The following DOCK10 variants were observed in gnomAD, a reference collection of about 807,000 sequenced individuals.
DOCK10 encodes dedicator of cytokinesis 10.
In DOCK10, 145 loss-of-function variants were observed where a neutral mutation model predicts 280.1. The observed-to-expected ratio is 0.52, with a 90% CI of 0.45 to 0.59. DOCK10 has a LOEUF of 0.59. Among genes scored for constraint, DOCK10 ranks in the 20% least tolerant of loss-of-function variants. DOCK10 has a pLI of 0.00. For synonymous variants in DOCK10, 915 were observed against 942.2 expected (o/e 0.97, Z 0.53); for missense variants, 2,368 against 2,651.7 (o/e 0.89, Z 2.35).
intron 24 of DOCK10, among the ~76,000 whole-genome samples, chr2:224,838,044 C>T (rs1204401065): frequency 6.6e-6 from 1 of 152,160 alleles, no homozygotes; most frequent in Non-Finnish European, 1.5e-5. Flanking sequence ...CATCGATTAG[C>T]CATTTCCAAC....
rs2125466299 is a variant in DOCK10 at position 224,841,736 on chromosome 2, A to G, written c.2661+68T>C. 3 of 1,070,786 alleles carry G rather than the reference A, an allele frequency of 2.8e-6. No individual in the cohort carries two copies. In the South Asian group the frequency reaches 4.2e-5, roughly 15 times the overall value. 66.3% of individuals were successfully genotyped at this position (1,070,786 alleles called of 1,614,324 possible). A position where few individuals can be genotyped will look rare whatever the true frequency, so the allele number is the denominator to read the frequency against. ...ATCTCCCAGTTTGCCCATCGGTGGA[A>G]AATGTAAAAGTCTCTTTTGCACATT... On this transcript the variant is annotated intron_variant, in intron 23 of 55. Transcript: ENST00000258390.
Position 224,973,533 on chromosome 2 carries a change from A to C in DOCK10, c.124-41865T>G, listed in dbSNP as rs115165914. Among the ~76,000 whole-genome samples the C allele has an allele frequency of 4.6e-3, 700 of 152,256 alleles. 9 individuals carry two copies. Among genetic ancestry groups the C allele is most frequent in the African/African-American group, 0.016 (666 of 41,536 alleles). ...AATGTGGGCAGCCTCTAGAACTTGG[A>C]AAAGGCAAGGAAACAGATTCTCCCC... On this transcript the variant is annotated intron_variant, in intron 1 of 55. Coordinates refer to ENST00000258390, the MANE Select transcript of DOCK10 (RefSeq NM_014689.3).
intron 7 of DOCK10, among the ~76,000 whole-genome samples, chr2:224,877,502 C>CTATTGGAATAGGTTCCTATTCTATTGG (rs1169851185): frequency 1.3e-5 from 2 of 150,300 alleles, no homozygotes; most frequent in Non-Finnish European, 1.5e-5. Context: ...GGTTCCTATT[C>CTATTGGAATAGGTTCCTATTCTATTGG]CAAGTTGACA....
At chr2:224,792,881 A>T in intron 47 of DOCK10, 93 bp downstream of exon 47, 1 of 962,098 alleles carries the variant, frequency 1.0e-6, no homozygotes, top group South Asian at 1.8e-5. Flanking sequence ...TTTTGCTTCT[A>T]AGAATATATT....
intron 1 of DOCK10, among the ~76,000 whole-genome samples, chr2:224,993,840 G>C (rs1007729695): frequency 3.9e-5 from 6 of 152,020 alleles, no homozygotes; most frequent in African/African-American, 1.4e-4. Context: ...TGCTGGTAGT[G>C]TTTCTACCTT....
chr2:224,886,243 ACTGCATTT>A, intron 5 of DOCK10, 58 bp from the exon 6 acceptor site: 1 of 1,597,780 alleles, frequency 6.3e-7, no homozygotes. Flanking sequence ...GATCCTAGAC[ACTGCATTT>A]AAAAAAGAGA....
intron 31 of DOCK10, among the ~76,000 whole-genome samples, chr2:224,809,214 T>C (rs1210142752): frequency 1.3e-5 from 2 of 152,182 alleles, no homozygotes; most frequent in South Asian, 2.1e-4. Flanking sequence ...GTTTTTAAAA[T>C]GTAACCATTA....
rs538387203 is a variant in DOCK10 at position 225,023,338 on chromosome 2, A to C, written c.123+18914T>G. The stretch of plus-strand genomic sequence containing the variant: ...GGTGTGAGCCACTGCGCCCAGCCCA[A>C]AACAACTTCTAATAACTCTCTCATT... On this transcript the variant is annotated intron_variant, in intron 1 of 55. Transcript: ENST00000258390. Among the ~76,000 whole-genome samples, 558 of 152,210 alleles carry C rather than the reference A, an allele frequency of 3.7e-3. 6 individuals are homozygous for C. Among genetic ancestry groups the C allele is most frequent in the African/African-American group, 0.013 (527 of 41,550 alleles).
rs552327025 is a variant in DOCK10 at position 225,011,783 on chromosome 2, C to T, written c.123+30469G>A. Among the ~76,000 whole-genome samples, 83 of 152,198 alleles carry T rather than the reference C, an allele frequency of 5.5e-4. 1 individual carries two copies. Among genetic ancestry groups the T allele is most frequent in the African/African-American group, 1.9e-3 (80 of 41,524 alleles). On this transcript the variant is annotated intron_variant, in intron 1 of 55. Coordinates refer to ENST00000258390, the MANE Select transcript of DOCK10 (RefSeq NM_014689.3). ...TTGCCACAGGCATTATAAAATGGCA[C>T]CCAAAATGTTAGGCTCTGCAAGAAC...
At chr2:224,978,582 T>C (rs548176264) in intron 1 of DOCK10, among the ~76,000 whole-genome samples, 2 of 152,292 alleles carry the variant, frequency 1.3e-5, no homozygotes, top group Admixed American at 6.5e-5. Context: ...AAATAAACAA[T>C]TATACATTCA....
chr2:224,904,400 T>C (rs138267048), intron 3 of DOCK10, among the ~76,000 whole-genome samples: 3 of 152,328 alleles, frequency 2.0e-5, no homozygotes, highest in East Asian at 3.9e-4. Context: ...ATGAATTTTA[T>C]TAAGAAAGAA....
intron 3 of DOCK10, among the ~76,000 whole-genome samples, chr2:224,899,178 C>G (rs1045535850): frequency 6.6e-6 from 1 of 152,132 alleles, no homozygotes; most frequent in Non-Finnish European, 1.5e-5. Flanking sequence ...TGTAGTTCCC[C>G]CTAAGTATTT....
chr2:224,902,570 G>A (rs1178097772), intron 3 of DOCK10, among the ~76,000 whole-genome samples: 1 of 152,118 alleles, frequency 6.6e-6, no homozygotes, highest in Non-Finnish European at 1.5e-5. Context: ...TTCACACTGA[G>A]ACATTTCAGA....
At chr2:224,790,111 A>C (rs1692062852) in intron 47 of DOCK10, among the ~76,000 whole-genome samples, 1 of 152,180 alleles carries the variant, frequency 6.6e-6, no homozygotes, top group Admixed American at 6.5e-5. Flanking sequence ...CTTTTACATT[A>C]TGTAGAAACC....
At chr2:224,824,794 A>G (rs1443601835) in intron 27 of DOCK10, among the ~76,000 whole-genome samples, 1 of 151,900 alleles carries the variant, frequency 6.6e-6, no homozygotes, top group Non-Finnish European at 1.5e-5. Context: ...ACCCAGACAC[A>G]TTTTCACTAT....
At chr2:224,981,518 T>C (rs17271615) in intron 1 of DOCK10, among the ~76,000 whole-genome samples, 7,052 of 152,274 alleles carry the variant, frequency 0.046, 233 homozygotes, top group Middle Eastern at 0.082. Context: ...GATCTCTTTT[T>C]AAACTTAAAG....
intron 1 of DOCK10, among the ~76,000 whole-genome samples, chr2:225,037,102 G>A (rs1690282097): frequency 6.6e-6 from 1 of 152,192 alleles, no homozygotes; most frequent in East Asian, 1.9e-4. Flanking sequence ...TCAGGCACAT[G>A]TGAGAGTGGG....
In DOCK10 at chr2:224,765,659, C is replaced by T; in HGVS notation, c.*62G>A. ...AATAAATTAAACCTATCTTTCTCTT[C>T]CCCGAGATTAGCTGCAAATTCAGAA... On this transcript the variant is annotated 3_prime_UTR_variant, in exon 56 of 56. Transcript: ENST00000258390. 8.5e-7 allele frequency: 1 copy of T among 1,175,528 alleles called. No homozygotes were observed. Among genetic ancestry groups the T allele is most frequent in the Non-Finnish European group, 1.2e-6 (1 of 807,026 alleles). 72.8% of individuals were successfully genotyped at this position (1,175,528 alleles called of 1,614,324 possible).
intron 11 of DOCK10, among the ~76,000 whole-genome samples, chr2:224,873,253 T>C (rs1698407524): frequency 6.6e-6 from 1 of 152,030 alleles, no homozygotes; most frequent in African/African-American, 2.4e-5. Flanking sequence ...AAAATAAACA[T>C]AGAAATAGTA....
Sources: gnomAD v4.1 joint callset for allele counts (sites outside exome capture counted in the v4.1 genomes callset) on GRCh38, gnomAD v4.1.1 for gene constraint, MANE v1.5 for transcripts, NCBI Gene and HGNC (gene_info 2026-07-23, HGNC 2026-07-21) for gene names.